The following PVT1 variants were observed in gnomAD, a reference collection of about 807,000 sequenced individuals.
PVT1 encodes the protein Pvt1 oncogene.
chr8:128,011,477 G>C (rs1486825707), intron 4 of PVT1, among the ~76,000 whole-genome samples: 2 of 152,112 alleles, frequency 1.3e-5, no homozygotes, highest in African/African-American at 2.4e-5. Flanking sequence ...GCTACGTGAG[G>C]ACACAATGAG....
chr8:128,018,775 CAGGCAGTT>C (rs34488568), intron 4 of PVT1, among the ~76,000 whole-genome samples: 96,816 of 151,574 alleles, frequency 0.64, 31,268 homozygotes, highest in East Asian at 0.71. Context: ...GTCCTCAGGA[CAGGCAGTT>C]AGTGTTGCTG....
At chr8:127,964,563 G>A (rs1438113726) in intron 3 of PVT1, among the ~76,000 whole-genome samples, 1 of 152,152 alleles carries the variant, frequency 6.6e-6, no homozygotes, top group Admixed American at 6.5e-5. Context: ...GAAATTTATT[G>A]TCTTACAGTT....
chr8:127,847,227 T>TTGGCCACCGTGCC (rs6150804), intron 2 of PVT1, among the ~76,000 whole-genome samples: 2 of 151,626 alleles, frequency 1.3e-5, no homozygotes, highest in South Asian at 2.1e-4. Flanking sequence ...AGTCGAACTC[T>TTGGCCACCGTGCC]TGGCCCCAAA....
At chr8:127,954,983 C>T (rs74776552) in intron 3 of PVT1, among the ~76,000 whole-genome samples, 3 of 152,230 alleles carry the variant, frequency 2.0e-5, no homozygotes, top group East Asian at 1.9e-4. Flanking sequence ...AAACGCAATA[C>T]AGTACGCATA....
At chr8:127,971,366 G>A (rs1048662969) in intron 3 of PVT1, among the ~76,000 whole-genome samples, 1 of 152,210 alleles carries the variant, frequency 6.6e-6, no homozygotes, top group Non-Finnish European at 1.5e-5. Context: ...TGCAGGAGAC[G>A]GTCCAGGCCC....
chr8:127,977,892 G>A (rs148485843), intron 3 of PVT1, among the ~76,000 whole-genome samples: 310 of 152,302 alleles, frequency 2.0e-3, no homozygotes, highest in African/African-American at 7.0e-3. Context: ...CATCTCCCCT[G>A]GTTGCAGGCA....
At chr8:127,874,614 G>A (rs539458192) in intron 2 of PVT1, among the ~76,000 whole-genome samples, 10 of 152,260 alleles carry the variant, frequency 6.6e-5, no homozygotes, top group Admixed American at 4.6e-4. Flanking sequence ...TCAAATTCTT[G>A]GTGTGCAGTG....
At chr8:128,058,402 G>GTGTGTGTT (rs1394812305) in intron 4 of PVT1, among the ~76,000 whole-genome samples, 2 of 151,906 alleles carry the variant, frequency 1.3e-5, no homozygotes, top group Admixed American at 1.3e-4. Flanking sequence ...GTGTGTGTGT[G>GTGTGTGTT]TGTGTGTGTA....
intron 4 of PVT1, among the ~76,000 whole-genome samples, chr8:128,035,023 C>T (rs570871059): frequency 4.6e-5 from 7 of 152,338 alleles, no homozygotes; most frequent in African/African-American, 1.4e-4. Context: ...CCCTGAAAAG[C>T]AACTGTTCAT....
intron 5 of PVT1, among the ~76,000 whole-genome samples, chr8:128,074,256 C>T (rs1431851441): frequency 1.3e-5 from 2 of 152,148 alleles, no homozygotes; most frequent in African/African-American, 4.8e-5. Context: ...CCTGTAATCC[C>T]AGGACTTTGG....
chr8:127,853,206 C>T (rs1413547661), intron 2 of PVT1, among the ~76,000 whole-genome samples: 2 of 152,102 alleles, frequency 1.3e-5, no homozygotes, highest in Non-Finnish European at 2.9e-5. Context: ...GAACCATACC[C>T]AGCAGGAGGC....
chr8:127,848,401 TG>T (rs1295433190), intron 2 of PVT1, among the ~76,000 whole-genome samples: 1 of 151,670 alleles, frequency 6.6e-6, no homozygotes, highest in Admixed American at 6.6e-5. Context: ...ACCACAAATT[TG>T]GCTGGGCGCA....
At chr8:128,034,246 G>A (rs1442848391) in intron 4 of PVT1, among the ~76,000 whole-genome samples, 1 of 151,794 alleles carries the variant, frequency 6.6e-6, no homozygotes, top group African/African-American at 2.4e-5. Context: ...TAAATCCAGG[G>A]ATGTATTTAT....
At chr8:127,857,839 A>C (rs1815177994) in intron 2 of PVT1, among the ~76,000 whole-genome samples, 1 of 152,258 alleles carries the variant, frequency 6.6e-6, no homozygotes, top group African/African-American at 2.4e-5. Flanking sequence ...GAATGAATGA[A>C]TGGATATTAA....
At chr8:127,915,412 A>G (rs548862466) in intron 3 of PVT1, among the ~76,000 whole-genome samples, 1 of 151,406 alleles carries the variant, frequency 6.6e-6, no homozygotes, top group South Asian at 2.1e-4. Flanking sequence ...CGGGAGTTTG[A>G]GACCAGCCTG....
intron 2 of PVT1, among the ~76,000 whole-genome samples, chr8:127,878,429 G>T (rs1815429555): frequency 6.6e-6 from 1 of 152,202 alleles, no homozygotes; most frequent in Non-Finnish European, 1.5e-5. Context: ...CAGGTTCAAA[G>T]AACTGAAGCT....
intron 2 of PVT1, among the ~76,000 whole-genome samples, chr8:127,883,988 C>T (rs147239259): frequency 6.6e-6 from 1 of 152,118 alleles, no homozygotes; most frequent in African/African-American, 2.4e-5. Flanking sequence ...CAGGAAAACT[C>T]AAAAAATATA....
At position 127,814,831 on chromosome 8, in the gene PVT1, C is replaced by T. The variant is rs1456013409; in HGVS notation, n.372+18760C>T. Among the ~76,000 whole-genome samples, 7 of 152,310 alleles carry T rather than the reference C, an allele frequency of 4.6e-5. No individual in the cohort carries two copies. In the South Asian group the frequency reaches 1.0e-3, roughly 23 times the overall value. On this transcript the variant is annotated intron_variant and non_coding_transcript_variant, in intron 2 of 10. Transcript: ENST00000651587. ...AAACTCTGCACTCATTAAACACTTA[C>T]TCTCCTCTCCCCCTCCCCTCATCCC...
At chr8:127,797,067 G>A (rs1050613915) in intron 2 of PVT1, among the ~76,000 whole-genome samples, 6 of 152,066 alleles carry the variant, frequency 3.9e-5, no homozygotes, top group Middle Eastern at 3.4e-3. Context: ...TAGTAGAGAC[G>A]GAGTTTCTCC....
Sources: gnomAD v4.1 joint callset for allele counts (sites outside exome capture counted in the v4.1 genomes callset) on GRCh38, gnomAD v4.1.1 for gene constraint, MANE v1.5 for transcripts, NCBI Gene and HGNC (gene_info 2026-07-23, HGNC 2026-07-21) for gene names.